Variants in LRRIQ1 observed in about 807,000 individuals in gnomAD.
The protein encoded by LRRIQ1 is leucine rich repeats and IQ motif containing 1.
LRRIQ1 carries 210 observed loss-of-function variants against 211.9 expected under a neutral mutation model. That is an observed-to-expected ratio of 0.99 (90% CI 0.89 to 1.11). The LOEUF (loss-of-function observed/expected upper bound fraction) is 1.11. LRRIQ1 is among the 50% of genes most tolerant of loss of function. The pLI, the probability that LRRIQ1 is intolerant of heterozygous loss-of-function variation, is 0.00. For synonymous variants in LRRIQ1, 699 were observed against 650.1 expected (o/e 1.08, Z -1.14); for missense variants, 2,136 against 1,939.5 (o/e 1.10, Z -1.90).
At chr12:85,183,895 G>T (rs1266778356) in intron 24 of LRRIQ1, among the ~76,000 whole-genome samples, 1 of 151,964 alleles carries the variant, frequency 6.6e-6, no homozygotes, top group Non-Finnish European at 1.5e-5. Context: ...GTTCTATGTA[G>T]ACTTTTCTTA....
chr12:85,144,359 T>C (rs1889748204), intron 19 of LRRIQ1, among the ~76,000 whole-genome samples: 1 of 151,468 alleles, frequency 6.6e-6, no homozygotes, highest in South Asian at 2.1e-4. Context: ...TAACAGACAA[T>C]AAATACATAT....
At chr12:85,152,549 CT>C (rs1423074859) in intron 20 of LRRIQ1, among the ~76,000 whole-genome samples, 180 bp downstream of exon 20, 1 of 151,728 alleles carries the variant, frequency 6.6e-6, no homozygotes, top group South Asian at 2.1e-4. Context: ...TCATTTGCTC[CT>C]TTTTTTCTTT....
intron 6 of LRRIQ1, 94 bp downstream of exon 6, chr12:85,047,564 G>A (rs779299704): frequency 5.4e-5 from 57 of 1,047,146 alleles, no homozygotes; most frequent in Non-Finnish European, 6.8e-5. Flanking sequence ...GAGCTTAATA[G>A]TATGACTTTT....
rs1592948836 is a variant in LRRIQ1, at chr12:85,193,112, A to G, written c.4822+32398A>G. 2.4e-5 allele frequency among the ~76,000 whole-genome samples: 3 copies of G among 124,024 alleles called. No homozygotes were observed. In the East Asian group the frequency reaches 6.4e-4, roughly 26 times the overall value. The allele number at this position is 124,024 out of a possible 152,430, so 81.4% of individuals were successfully genotyped here. On this transcript the variant is annotated intron_variant, in intron 24 of 26. Transcript: ENST00000393217. ...ATTATATATATTTATATATAATTAT[A>G]GTATATAATTATATATATTTTTATA...
intron 11 of LRRIQ1, among the ~76,000 whole-genome samples, chr12:85,093,650 G>A (rs1409663809): frequency 1.3e-5 from 2 of 152,180 alleles, no homozygotes; most frequent in African/African-American, 4.8e-5. Flanking sequence ...TTACTTCTAT[G>A]ACATATGACA....
intron 24 of LRRIQ1, among the ~76,000 whole-genome samples, chr12:85,225,570 A>C (rs532244489): frequency 6.6e-6 from 1 of 152,174 alleles, no homozygotes; most frequent in African/African-American, 2.4e-5. Flanking sequence ...TGAAGTAAAA[A>C]GCATATATAA....
intron 18 of LRRIQ1, among the ~76,000 whole-genome samples, chr12:85,130,376 C>G (rs998351676): frequency 3.3e-5 from 5 of 152,178 alleles, no homozygotes; most frequent in Admixed American, 2.0e-4. Flanking sequence ...TGCATCCAAA[C>G]TCCCGCCTGT....
chr12:85,200,658 T>C (rs1452663856), intron 24 of LRRIQ1, among the ~76,000 whole-genome samples: 1 of 152,148 alleles, frequency 6.6e-6, no homozygotes, highest in African/African-American at 2.4e-5. Context: ...GTTGAAGGGA[T>C]GTTGGATTTT....
rs1888476479 is a variant in LRRIQ1, at chr12:85,127,831, G to A, written c.4008-1G>A. On this transcript the variant is annotated splice_acceptor_variant, in intron 17 of 26. Coordinates refer to ENST00000393217, the MANE Select transcript of LRRIQ1 (RefSeq NM_001079910.2). LOFTEE classifies it high-confidence loss of function. ...TGTGTTTTTTTTTCTCCTCTTAATA[G>A]TATGGCAGCTGTGGTAATCCAGTCA... is the stretch of plus-strand genomic sequence containing the variant. The A allele has an allele frequency of 1.2e-6, 2 of 1,612,364 alleles. No homozygotes were observed. The highest frequency in any genetic ancestry group is 1.7e-5 in the Admixed American group (1 of 59,854).
chr12:85,190,455 A>G (rs1050717688), intron 24 of LRRIQ1, among the ~76,000 whole-genome samples: 18 of 147,780 alleles, frequency 1.2e-4, no homozygotes, highest in Non-Finnish European at 2.7e-4. Context: ...ATATTAATAT[A>G]AATAGTATAT....
intron 13 of LRRIQ1, among the ~76,000 whole-genome samples, chr12:85,102,949 AAAAAAAAAAAATAT>A (rs1426506432): frequency 9.4e-6 from 1 of 106,248 alleles, no homozygotes; most frequent in Admixed American, 9.6e-5. Flanking sequence ...TGTGGCAAAA[AAAAAAAAAAAATAT>A]ATATATATAT....
chr12:85,047,827 T>C (rs1378359502), intron 6 of LRRIQ1: 1 of 189,028 alleles, frequency 5.3e-6, no homozygotes, highest in Non-Finnish European at 1.1e-5. Context: ...AACCTTGCTC[T>C]GTGGTCTGGC....
intron 24 of LRRIQ1, among the ~76,000 whole-genome samples, chr12:85,218,052 T>C (rs1894238519): frequency 6.6e-6 from 1 of 152,042 alleles, no homozygotes; most frequent in African/African-American, 2.4e-5. Context: ...TTCATGGTTA[T>C]TACTAATTGA....
intron 13 of LRRIQ1, 22 bp downstream of exon 13, chr12:85,099,016 A>C: frequency 6.9e-7 from 1 of 1,456,792 alleles, no homozygotes; most frequent in Non-Finnish European, 9.3e-7. Context: ...CTTAAGAAAT[A>C]AATTCAGTGA....
chr12:85,195,156 GGATCT>G (rs2136972325), intron 24 of LRRIQ1, among the ~76,000 whole-genome samples: 1 of 151,976 alleles, frequency 6.6e-6, no homozygotes, highest in South Asian at 2.1e-4. Context: ...ACCAATAACA[GGATCT>G]GAAATTGTGG....
chr12:85,160,473 AAT>A (rs1890803559), intron 23 of LRRIQ1, 138 bp from the exon 24 acceptor site: 1 of 495,124 alleles, frequency 2.0e-6, no homozygotes, highest in Admixed American at 3.3e-5. Flanking sequence ...TATGAAGCTT[AAT>A]ATAACATCAT....
rs927618836 is a variant in LRRIQ1 at position 85,063,947 on chromosome 12, C to G, written c.2392-1315C>G. Reference sequence around the variant, plus strand: ...CTATTCATTTCTCTGTTGATGAACACTTAGGTTGCTTCTAAATCTTGACTG... The same window carrying G: ...CTATTCATTTCTCTGTTGATGAACAGTTAGGTTGCTTCTAAATCTTGACTG... On this transcript the variant is annotated intron_variant, in intron 8 of 26. Transcript: ENST00000393217. Among the ~76,000 whole-genome samples the G allele has an allele frequency of 2.0e-4, 31 of 151,734 alleles. 1 individual carries two copies. Among genetic ancestry groups the G allele is most frequent in the Admixed American group, 2.0e-3 (31 of 15,184 alleles).
At chr12:85,159,050 TC>T (rs1488898040) in intron 23 of LRRIQ1, among the ~76,000 whole-genome samples, 1 of 152,026 alleles carries the variant, frequency 6.6e-6, no homozygotes, top group Non-Finnish European at 1.5e-5. Context: ...CAAGATTAAA[TC>T]AATTTATGCT....
intron 24 of LRRIQ1, among the ~76,000 whole-genome samples, chr12:85,165,296 C>G (rs1441607329): frequency 1.3e-5 from 2 of 151,988 alleles, no homozygotes; most frequent in Non-Finnish European, 2.9e-5. Context: ...TCCTCCCTCT[C>G]TCCCCACTCT....
Sources: allele counts gnomAD v4.1 joint callset (sites outside exome capture counted in the v4.1 genomes callset), GRCh38; gene constraint gnomAD v4.1.1; transcripts MANE v1.5; gene names NCBI Gene and HGNC (gene_info 2026-07-23, HGNC 2026-07-21).